The following FGFR2 variants were observed in gnomAD, a reference collection of about 807,000 sequenced individuals.
FGFR2 encodes the protein BEK fibroblast growth factor receptor.
A neutral mutation model predicts 95.9 loss-of-function variants in FGFR2; 19 were observed. The observed-to-expected ratio is 0.20, with a 90% CI of 0.14 to 0.29. The LOEUF is 0.29. Among genes scored for constraint, FGFR2 ranks in the 10% least tolerant of loss-of-function variants. The pLI is 1.00. For synonymous variants in FGFR2, 392 were observed against 393.3 expected (o/e 1.00, Z 0.04); for missense variants, 707 against 1,056.9 (o/e 0.67, Z 4.59).
rs147691800 is a variant in FGFR2 at position 121,547,820 on chromosome 10, C to T, written c.624+3470G>A. 1.2e-3 allele frequency among the ~76,000 whole-genome samples: 177 copies of T among 152,292 alleles called. 2 individuals are homozygous for T. Among genetic ancestry groups the T allele is most frequent in the African/African-American group, 4.0e-3 (166 of 41,574 alleles). On this transcript the variant is annotated intron_variant, in intron 5 of 17. Transcript: ENST00000358487. ...CAACAAGGACTCTCTGAGGCAAACG[C>T]AGGCCATAGCCAGCCAAGGAGCTCC...
In FGFR2 at chr10:121,496,535, T is replaced by C. The variant is rs143796403; in HGVS notation, c.1860A>G (p.Gln620=). 1.9e-6 allele frequency: 3 copies of C among 1,614,216 alleles called. No homozygotes were observed. In the South Asian group the frequency reaches 3.3e-5, roughly 18 times the overall value. The part of the protein sequence containing the change: ...LARGMEYLAS[Q]KCIHRDLAAR... The stretch of plus-strand genomic sequence containing the variant: ...AAGTAGAATGTGAAAGACTCACTTT[T>C]TGGGAAGCCAAGTACTCCATGCCTC... Residue 620 remains glutamine, a synonymous_variant, in exon 13 of 18, where the codon CAA becomes CAG. Transcript: ENST00000358487.
At chr10:121,595,492 G>A (rs1274514164) in intron 1 of FGFR2, among the ~76,000 whole-genome samples, 1 of 152,138 alleles carries the variant, frequency 6.6e-6, no homozygotes, top group Non-Finnish European at 1.5e-5. Flanking sequence ...GTGTGTGTGT[G>A]TACATGGTGT....
At chr10:121,588,597 T>C (rs1262801873) in intron 2 of FGFR2, among the ~76,000 whole-genome samples, 1 of 151,956 alleles carries the variant, frequency 6.6e-6, no homozygotes, top group Non-Finnish European at 1.5e-5. Flanking sequence ...CTAAATCATA[T>C]GGGATACAGC....
At chr10:121,509,907 C>T (rs892790788) in intron 9 of FGFR2, among the ~76,000 whole-genome samples, 3 of 152,014 alleles carry the variant, frequency 2.0e-5, no homozygotes, top group Non-Finnish European at 4.4e-5. Flanking sequence ...TGTGTTTACT[C>T]CCCAGGACTG....
At chr10:121,532,860 G>A (rs912149437) in intron 6 of FGFR2, among the ~76,000 whole-genome samples, 7 of 152,172 alleles carry the variant, frequency 4.6e-5, no homozygotes, top group African/African-American at 1.4e-4. Flanking sequence ...ATTCCTGTGC[G>A]CTTTCAGGCT....
intron 5 of FGFR2, among the ~76,000 whole-genome samples, chr10:121,541,370 A>G (rs1853712920): frequency 6.6e-6 from 1 of 152,230 alleles, no homozygotes; most frequent in African/African-American, 2.4e-5. Context: ...ATATCCTACC[A>G]TTGATTAGTG....
At chr10:121,510,612 G>C (rs1848929238) in intron 9 of FGFR2, among the ~76,000 whole-genome samples, 1 of 151,994 alleles carries the variant, frequency 6.6e-6, no homozygotes, top group Non-Finnish European at 1.5e-5. Context: ...ATATGTTTGA[G>C]GATCACTAAC....
rs55633189 is a variant in FGFR2, at chr10:121,490,154, C to CT, written c.1864-2042dup. Reference sequence around the variant, plus strand: ...GATCTAGCTATTACGACTTTTCCTTCTTTTTTTTTTTTTTTTTTTTTTTTT... The same window carrying CT: ...GATCTAGCTATTACGACTTTTCCTTCTTTTTTTTTTTTTTTTTTTTTTTTTT... On this transcript the variant is annotated intron_variant, in intron 13 of 17. Coordinates refer to ENST00000358487, the MANE Select transcript of FGFR2 (RefSeq NM_000141.5). Among the ~76,000 whole-genome samples, 138 of 80,018 alleles carry CT rather than the reference C, an allele frequency of 1.7e-3. 5 individuals carry two copies. The highest frequency in any genetic ancestry group is 4.4e-3 in the African/African-American group (85 of 19,406). 52.5% of individuals were successfully genotyped at this position (80,018 alleles called of 152,430 possible).
At chr10:121,589,110 A>G (rs1862251676) in intron 2 of FGFR2, among the ~76,000 whole-genome samples, 1 of 152,234 alleles carries the variant, frequency 6.6e-6, no homozygotes, top group Admixed American at 6.5e-5. Context: ...GGACCAGTAC[A>G]GTGGAGAGTA....
intron 5 of FGFR2, among the ~76,000 whole-genome samples, chr10:121,541,889 A>G (rs1276144249): frequency 1.3e-5 from 2 of 152,172 alleles, no homozygotes; most frequent in African/African-American, 4.8e-5. Context: ...ATTTTTTTTG[A>G]TCTAGTTAAT....
chr10:121,515,038 T>C, intron 9 of FGFR2, 79 bp downstream of exon 9: 1 of 1,379,060 alleles, frequency 7.3e-7, no homozygotes. Context: ...GTCGATGGCA[T>C]CAAAGCAGAG....
rs1189766137 is a variant in FGFR2 at position 121,485,176 on chromosome 10, C to A, written c.2195+219G>T. 6.6e-6 allele frequency among the ~76,000 whole-genome samples: 1 copy of A among 152,102 alleles called. No homozygotes were observed. Among genetic ancestry groups the A allele is most frequent in the Non-Finnish European group, 1.5e-5 (1 of 68,024 alleles). On this transcript the variant is annotated intron_variant, in intron 16 of 17. Coordinates refer to ENST00000358487, the MANE Select transcript of FGFR2 (RefSeq NM_000141.5). This position sits in a 1 kb window ranked among gnomAD's most constrained non-coding sequence, Gnocchi z 4.2. ...CAGCCAGACACCCTCTGATCCAAAG[C>A]CCTCTCCATACTCAGAATAATGTTC...
chr10:121,488,004 T>C lies in FGFR2; in HGVS notation c.1973A>G (p.Lys658Arg). 6.2e-7 allele frequency: 1 copy of C among 1,614,116 alleles called. No individual in the cohort carries two copies. Among genetic ancestry groups the C allele is most frequent in the South Asian group, 1.1e-5 (1 of 91,080 alleles). ...ARDINNIDYY[K>R]KTTNGRLPVK... Reference sequence around the variant, plus strand: ...CCATCGACTTACATTGGTGGTCTTTTTGTAATAGTCTATATTGTTGATATC... The same window carrying C: ...CCATCGACTTACATTGGTGGTCTTTCTGTAATAGTCTATATTGTTGATATC... Residue 658 changes from lysine to arginine, a missense_variant, in exon 14 of 18, where the codon AAA becomes AGA. By Grantham distance (26) the Lys-to-Arg change is conservative (BLOSUM62 2). Around this residue, in one of 7 missense-constraint regions of FGFR2, gnomAD observed 104 missense variants for 214.2 expected, o/e 0.49. Coordinates refer to ENST00000358487, the MANE Select transcript of FGFR2 (RefSeq NM_000141.5).
intron 4 of FGFR2, among the ~76,000 whole-genome samples, chr10:121,557,477 C>G (rs1027003575): frequency 6.6e-6 from 1 of 152,018 alleles, no homozygotes; most frequent in African/African-American, 2.4e-5. Context: ...CCTGGCTAAT[C>G]TTTTATTTTT....
intron 2 of FGFR2, among the ~76,000 whole-genome samples, chr10:121,582,214 G>A (rs1325895382): frequency 6.6e-6 from 1 of 152,056 alleles, no homozygotes; most frequent in East Asian, 1.9e-4. Flanking sequence ...ACAGGCGTGA[G>A]CCACTGCACC....
chr10:121,534,256 C>A (rs12244943), intron 6 of FGFR2, among the ~76,000 whole-genome samples: 3 of 151,378 alleles, frequency 2.0e-5, no homozygotes, highest in African/African-American at 4.8e-5. Context: ...CTGCCACCAC[C>A]CCTGGGTAAT....
intron 4 of FGFR2, among the ~76,000 whole-genome samples, chr10:121,559,794 G>C (rs2135007504): frequency 6.6e-6 from 1 of 152,312 alleles, no homozygotes; most frequent in East Asian, 1.9e-4. Flanking sequence ...CTTCTGCATG[G>C]GCGCTGGGCA....
At chr10:121,585,012 C>T (rs1198298262) in intron 2 of FGFR2, among the ~76,000 whole-genome samples, 1 of 152,016 alleles carries the variant, frequency 6.6e-6, no homozygotes, top group Admixed American at 6.6e-5. Flanking sequence ...CTCCAATGTT[C>T]TTCGCCGGGC....
intron 1 of FGFR2, among the ~76,000 whole-genome samples, chr10:121,597,294 A>T (rs988153572): frequency 2.0e-5 from 3 of 152,204 alleles, no homozygotes; most frequent in African/African-American, 4.8e-5. Flanking sequence ...CGCTTTCGAC[A>T]TCTCCCAGCC....
Sources: allele counts gnomAD v4.1 joint callset (sites outside exome capture counted in the v4.1 genomes callset), GRCh38; gene constraint gnomAD v4.1.1; regional missense constraint gnomAD v4.1.1; non-coding constraint Gnocchi (gnomAD v3.1); transcripts MANE v1.5; gene names NCBI Gene and HGNC (gene_info 2026-07-23, HGNC 2026-07-21).